VEPH1: variants seen among roughly 807,000 people sequenced by gnomAD.
VEPH1 encodes the protein ventricular zone-expressed PH domain-containing protein homolog 1.
In VEPH1, 80 loss-of-function variants were observed where a neutral mutation model predicts 85.2. The ratio of observed to expected loss-of-function variants is 0.94; its 90% confidence interval spans 0.78 to 1.13. The LOEUF is 1.13. Among genes scored for constraint, VEPH1 ranks in the 50% most tolerant of loss-of-function variants. The probability of loss-of-function intolerance (pLI) is 0.00; values close to 1 mark genes in which losing one functional copy is unlikely to be tolerated. For missense variants in VEPH1, 955 were observed against 980.5 expected, an observed-to-expected ratio of 0.97 and a Z score of 0.35; for synonymous variants, 297 against 348.0, an observed-to-expected ratio of 0.85 and a Z score of 1.63.
intron 11 of VEPH1, among the ~76,000 whole-genome samples, chr3:157,306,687 C>T (rs1454827750): frequency 6.6e-6 from 1 of 151,922 alleles, no homozygotes; most frequent in Non-Finnish European, 1.5e-5. Context: ...AAATAGGGCA[C>T]ATGAAATTAT....
At chr3:157,471,885 G>A (rs899782253) in intron 2 of VEPH1, among the ~76,000 whole-genome samples, 1 of 151,822 alleles carries the variant, frequency 6.6e-6, no homozygotes, top group African/African-American at 2.4e-5. Flanking sequence ...CAATTTTGGG[G>A]CCTTATTGTT....
At position 157,483,123 on chromosome 3, in the gene VEPH1, TAC is replaced by T. The variant is rs60205276; in HGVS notation, c.138+12087_138+12088del. On this transcript the variant is annotated intron_variant, in intron 2 of 13. Transcript: ENST00000362010. Reference sequence around the variant, plus strand: ...ATCCTTCTTTCCACTTTTAAAAGCATACACACACACACACACACACACACACA... The same window carrying T: ...ATCCTTCTTTCCACTTTTAAAAGCATACACACACACACACACACACACACA... 7.2e-3 allele frequency among the ~76,000 whole-genome samples: 1,059 copies of T among 146,886 alleles called. 10 individuals are homozygous for T. Among genetic ancestry groups the T allele is most frequent in the Middle Eastern group, 0.041 (12 of 292 alleles).
chr3:157,468,359 G>A (rs1187085392), intron 3 of VEPH1, among the ~76,000 whole-genome samples: 1 of 152,144 alleles, frequency 6.6e-6, no homozygotes, highest in Non-Finnish European at 1.5e-5. Flanking sequence ...TGAATCACAA[G>A]GTCAGGAGTT....
At chr3:157,370,243 C>G (rs1727336879) in intron 7 of VEPH1, among the ~76,000 whole-genome samples, 1 of 152,164 alleles carries the variant, frequency 6.6e-6, no homozygotes, top group Non-Finnish European at 1.5e-5. Flanking sequence ...GCTCGCTGCT[C>G]TCACTAAGCG....
intron 7 of VEPH1, among the ~76,000 whole-genome samples, chr3:157,369,180 G>GAAGAA (rs1553773036): frequency 7.0e-5 from 3 of 42,786 alleles, no homozygotes; most frequent in African/African-American, 2.5e-4. Flanking sequence ...AAAACCAAAT[G>GAAGAA]AAAAAAAAAA....
intron 11 of VEPH1, among the ~76,000 whole-genome samples, chr3:157,294,610 A>G (rs1717905770): frequency 6.6e-6 from 1 of 152,224 alleles, no homozygotes; most frequent in African/African-American, 2.4e-5. Flanking sequence ...CAATGATGTA[A>G]TGATGAATAT....
chr3:157,470,284 C>T (rs1437927182), intron 3 of VEPH1, 30 bp downstream of exon 3: 1 of 1,606,938 alleles, frequency 6.2e-7, no homozygotes, highest in East Asian at 2.2e-5. Context: ...AACTCAGTAT[C>T]AAATAGCCTG....
At chr3:157,266,184 A>C (rs1713616841) in intron 12 of VEPH1, among the ~76,000 whole-genome samples, 1 of 151,346 alleles carries the variant, frequency 6.6e-6, no homozygotes, top group African/African-American at 2.4e-5. Flanking sequence ...GCTATTTGGC[A>C]GCAAAAGTCA....
chr3:157,434,887 T>G (rs1027915404), intron 4 of VEPH1, among the ~76,000 whole-genome samples: 1 of 152,196 alleles, frequency 6.6e-6, no homozygotes, highest in Non-Finnish European at 1.5e-5. Context: ...CAAAGCAAAA[T>G]TAATTAATTT....
intron 7 of VEPH1, among the ~76,000 whole-genome samples, chr3:157,370,029 A>G (rs551798853): frequency 6.6e-6 from 1 of 152,356 alleles, no homozygotes; most frequent in African/African-American, 2.4e-5. Context: ...CCAGAGTTCT[A>G]TAATCCCCTA....
intron 2 of VEPH1, among the ~76,000 whole-genome samples, chr3:157,491,526 T>C (rs1739210202): frequency 6.6e-6 from 1 of 152,136 alleles, no homozygotes; most frequent in Admixed American, 6.6e-5. Context: ...GGCAAAACAT[T>C]TCATAGTAGT....
chr3:157,392,611 T>G (rs953843455), intron 6 of VEPH1, among the ~76,000 whole-genome samples: 2 of 107,084 alleles, frequency 1.9e-5, no homozygotes, highest in African/African-American at 3.8e-5. Flanking sequence ...TAATAATAGC[T>G]GATGATCTAA....
chr3:157,466,116 T>G (rs922780238), intron 3 of VEPH1, among the ~76,000 whole-genome samples: 1 of 152,200 alleles, frequency 6.6e-6, no homozygotes, highest in Non-Finnish European at 1.5e-5. Context: ...TACGTTTTAA[T>G]TTTAATCAAG....
At chr3:157,449,100 G>A (rs1386816894) in intron 4 of VEPH1, among the ~76,000 whole-genome samples, 1 of 152,054 alleles carries the variant, frequency 6.6e-6, no homozygotes, top group Non-Finnish European at 1.5e-5. Flanking sequence ...TCTTTCTTTT[G>A]GAAATTGCCC....
intron 1 of VEPH1, among the ~76,000 whole-genome samples, chr3:157,498,298 T>C (rs1425680972): frequency 6.6e-6 from 1 of 152,170 alleles, no homozygotes; most frequent in Non-Finnish European, 1.5e-5. Flanking sequence ...ATTTGCAAAA[T>C]GGGGCTAATA....
chr3:157,437,748 G>A, intron 4 of VEPH1: 1 of 1,493,146 alleles, frequency 6.7e-7, no homozygotes, highest in Non-Finnish European at 8.8e-7. Context: ...AGCTGCTGCA[G>A]GCGACCCGCG....
intron 7 of VEPH1, among the ~76,000 whole-genome samples, chr3:157,369,191 A>AAAAAAC (rs1727164207): frequency 6.9e-6 from 1 of 145,088 alleles, no homozygotes; most frequent in Non-Finnish European, 1.5e-5. Flanking sequence ...AAAAAAAAAA[A>AAAAAAC]AAAAAAAAAA....
Position 157,363,654 on chromosome 3 carries a change from A to G in VEPH1, c.1445T>C (p.Ile482Thr), listed in dbSNP as rs1726304288. The change falls in exon 9 of 14, where the codon ATA becomes ACA. Residue 482 changes from isoleucine (I) to threonine (T), a missense_variant. Ile to Thr is a moderately conservative substitution (Grantham distance 89, BLOSUM62 -1). Transcript: ENST00000362010. The part of the protein sequence containing the change: ...DIPASISLSE[I>T]DPLGQGNDKL... ...GTCATTTCCTTGGCCAAGTGGGTCT[A>G]TTTCTGAAAGAGAGATGCTGGCTGG... 6.2e-7 allele frequency: 1 copy of G among 1,613,900 alleles called. No homozygotes were observed. Among genetic ancestry groups the G allele is most frequent in the South Asian group, 1.1e-5 (1 of 91,078 alleles).
intron 6 of VEPH1, chr3:157,413,502 C>T (rs1304264468): frequency 2.0e-6 from 2 of 985,242 alleles, no homozygotes; most frequent in African/African-American, 3.5e-5. Context: ...AGATACAGCT[C>T]TTTTATTGGT....
Sources: gnomAD v4.1 joint callset for allele counts (sites outside exome capture counted in the v4.1 genomes callset) on GRCh38, gnomAD v4.1.1 for gene constraint, MANE v1.5 for transcripts, NCBI Gene and HGNC (gene_info 2026-07-23, HGNC 2026-07-21) for gene names.